Variants in COL4A3 observed in about 807,000 individuals in gnomAD.
COL4A3 encodes collagen alpha-3(IV) chain.
In COL4A3, 135 loss-of-function variants were observed where a neutral mutation model predicts 217.4. That is an observed-to-expected ratio of 0.62 (90% confidence interval 0.54 to 0.72). The LOEUF is 0.72. Among genes scored for constraint, COL4A3 ranks in the 30% least tolerant of loss-of-function variants. COL4A3 has a pLI of 0.00. For synonymous variants in COL4A3, 690 were observed against 736.3 expected (o/e 0.94, Z 1.02); for missense variants, 1,868 against 2,119.9 (o/e 0.88, Z 2.33).
In COL4A3 at chr2:227,266,441, C is replaced by T; in HGVS notation, c.1340C>T (p.Pro447Leu). The T allele has an allele frequency of 1.2e-6, 2 of 1,613,966 alleles. No individual in the cohort carries two copies. Among genetic ancestry groups the T allele is most frequent in the Non-Finnish European group, 8.5e-7 (1 of 1,179,916 alleles). ...PPGDIVFRKG[P>L]PGDHGLPGYL... ...GGTGACATCGTTTTTCGCAAGGGTC[C>T]ACCTGGAGATCACGGACTGCCAGGC... is the stretch of plus-strand genomic sequence containing the variant. Residue 447 changes from proline to leucine, a missense_variant, in exon 22 of 52, where the codon CCA (proline) becomes CTA (leucine). Physicochemically the swap from Pro to Leu is moderately conservative, Grantham distance 98. Around this residue, in one of 2 missense-constraint regions of COL4A3, gnomAD observed 1,503 missense variants for 1,786.1 expected, o/e 0.84. Coordinates refer to ENST00000396578, the MANE Select transcript of COL4A3 (RefSeq NM_000091.5).
rs79386347 is a variant in COL4A3, at chr2:227,295,227, G to A, written c.3518-42G>A. On this transcript the variant is annotated intron_variant, in intron 40 of 51. Transcript: ENST00000396578. ...TTTTCTCATAGACATATAATGTAAT[G>A]AAATTGACCAATTATTAACATGCCA... 2,778 of 1,601,532 alleles carry A rather than the reference G, an allele frequency of 1.7e-3. 34 individuals carry two copies. In the African/African-American group the frequency reaches 0.034, roughly 20 times the overall value.
rs996469594 is a variant in COL4A3, at chr2:227,251,269, G to C, written c.609+67G>C. ...TAGATTCATTATTTATTATTAAAAA[G>C]TTATTAAAAGAATTTTTCTGGTTGG... On this transcript the variant is annotated intron_variant, in intron 10 of 51. Transcript: ENST00000396578. 4.4e-6 allele frequency: 7 copies of C among 1,586,472 alleles called. No homozygotes were observed. The East Asian group carries it at 1.4e-4, about 31-fold the overall frequency.
chr2:227,245,180 C>T (rs2069255690), intron 5 of COL4A3, among the ~76,000 whole-genome samples, 185 bp downstream of exon 5: 1 of 151,802 alleles, frequency 6.6e-6, no homozygotes, highest in Non-Finnish European at 1.5e-5. Context: ...AATGTACTTC[C>T]TGAAATACAA....
chr2:227,220,136 ATGTGTGTGTGTGTG>A (rs35199710), intron 1 of COL4A3, among the ~76,000 whole-genome samples: 4 of 127,086 alleles, frequency 3.1e-5, no homozygotes, highest in Admixed American at 2.6e-4. Flanking sequence ...AGGCGGTTTT[ATGTGTGTGTGTGTG>A]TGTGTGTGTG....
Position 227,175,425 on chromosome 2 carries a change from C to T in COL4A3, c.87+10612C>T, listed in dbSNP as rs542979127. Among the ~76,000 whole-genome samples, 22 of 152,236 alleles carry T rather than the reference C, an allele frequency of 1.4e-4. No individual in the cohort carries two copies. In the East Asian group the frequency reaches 3.5e-3, roughly 24 times the overall value. ...GGCAAAAGTTGCAGTGAGCTGAGAT[C>T]ACGCCATTGCATTCTAGCCTAGGTG... On this transcript the variant is annotated intron_variant, in intron 1 of 51. Coordinates refer to ENST00000396578, the MANE Select transcript of COL4A3 (RefSeq NM_000091.5).
intron 1 of COL4A3, among the ~76,000 whole-genome samples, chr2:227,195,672 T>TGC (rs1478862450): frequency 8.0e-6 from 1 of 125,738 alleles, no homozygotes; most frequent in African/African-American, 3.3e-5. Flanking sequence ...TATATATGTG[T>TGC]GTGTGTGTGT....
chr2:227,255,271 G>A (rs2070081973), intron 15 of COL4A3, among the ~76,000 whole-genome samples: 1 of 152,124 alleles, frequency 6.6e-6, no homozygotes, highest in South Asian at 2.1e-4. Context: ...GGAGGGAAGA[G>A]CAGCCCCCAC....
chr2:227,311,020 G>A lies in COL4A3; in HGVS notation c.4928+72G>A. On this transcript the variant is annotated intron_variant, in intron 51 of 51. Coordinates refer to ENST00000396578, the MANE Select transcript of COL4A3 (RefSeq NM_000091.5). ...TATTCAAAGGTTGCCTGTGTTCTTGGGTCAACGAGTAGCCATGATTTTGTA... is the reference window on the plus strand; with the variant it reads ...TATTCAAAGGTTGCCTGTGTTCTTGAGTCAACGAGTAGCCATGATTTTGTA... The A allele has an allele frequency of 3.2e-6, 5 of 1,547,698 alleles. No individual in the cohort carries two copies. In the South Asian group the frequency reaches 5.6e-5, roughly 17 times the overall value.
rs540689943 is a variant in COL4A3 at position 227,248,563 on chromosome 2, A to G, written c.546+43A>G. The G allele has an allele frequency of 4.7e-6, 6 of 1,284,444 alleles. No homozygotes were observed. The South Asian group carries it at 4.8e-5, about 10-fold the overall frequency. The allele number at this position is 1,284,444 out of a possible 1,614,324, so 79.6% of individuals were successfully genotyped here. ...AGGTCCCTATTATTCTCAGTTTTTC[A>G]CTCTCTCTCTCTCTTTTCGCCTCTC... On this transcript the variant is annotated intron_variant, in intron 9 of 51. Coordinates refer to ENST00000396578, the MANE Select transcript of COL4A3 (RefSeq NM_000091.5).
intron 1 of COL4A3, among the ~76,000 whole-genome samples, chr2:227,197,803 TC>T (rs1446577075): frequency 6.6e-6 from 1 of 152,142 alleles, no homozygotes; most frequent in African/African-American, 2.4e-5. Context: ...TGGTGAGGGT[TC>T]CCCCACACCT....
At chr2:227,283,037 C>G (rs1275655552) in intron 32 of COL4A3, among the ~76,000 whole-genome samples, 1 of 152,196 alleles carries the variant, frequency 6.6e-6, no homozygotes, top group Non-Finnish European at 1.5e-5. Flanking sequence ...CTAATTCAAT[C>G]TCTTCATTTC....
Position 227,295,250 on chromosome 2 carries a change from C to A in COL4A3, c.3518-19C>A. ...ATGAAATTGACCAATTATTAACATGCCAAGATTATCTCTTTCAGGTTTATT... is the reference window on the plus strand; with the variant it reads ...ATGAAATTGACCAATTATTAACATGACAAGATTATCTCTTTCAGGTTTATT... On this transcript the variant is annotated intron_variant, in intron 40 of 51. Coordinates refer to ENST00000396578, the MANE Select transcript of COL4A3 (RefSeq NM_000091.5). The A allele has an allele frequency of 6.2e-7, 1 of 1,613,258 alleles. No homozygotes were observed. The highest frequency in any genetic ancestry group is 8.5e-7 in the Non-Finnish European group (1 of 1,179,208).
intron 1 of COL4A3, among the ~76,000 whole-genome samples, chr2:227,181,654 C>A (rs1212018593): frequency 2.0e-5 from 3 of 152,126 alleles, no homozygotes; most frequent in Non-Finnish European, 4.4e-5. Context: ...TATGGTATTA[C>A]GTATCCGGCT....
intron 1 of COL4A3, among the ~76,000 whole-genome samples, chr2:227,202,439 A>T (rs1426049175): frequency 6.6e-6 from 1 of 152,044 alleles, no homozygotes; most frequent in Non-Finnish European, 1.5e-5. Flanking sequence ...GTATGCGGGT[A>T]TTTTTTTAAA....
intron 18 of COL4A3, among the ~76,000 whole-genome samples, chr2:227,258,200 A>G (rs1363524176): frequency 6.6e-6 from 1 of 152,224 alleles, no homozygotes; most frequent in Non-Finnish European, 1.5e-5. Flanking sequence ...GTGTCCATTC[A>G]TCTCCTACCT....
At chr2:227,167,763 A>G (rs2065330810) in intron 1 of COL4A3, among the ~76,000 whole-genome samples, 7 of 152,182 alleles carry the variant, frequency 4.6e-5, no homozygotes, top group Admixed American at 4.6e-4. Context: ...AAGTATTAAT[A>G]TACTTTGACT....
intron 1 of COL4A3, among the ~76,000 whole-genome samples, chr2:227,186,450 C>T (rs556208544): frequency 1.8e-4 from 27 of 152,226 alleles, no homozygotes; most frequent in East Asian, 1.5e-3. Context: ...TCTGCTCTCC[C>T]GAGGCCAGGC....
intron 1 of COL4A3, among the ~76,000 whole-genome samples, chr2:227,172,156 A>T (rs1409581534): frequency 6.6e-6 from 1 of 152,136 alleles, no homozygotes; most frequent in African/African-American, 2.4e-5. Context: ...AACTCCTGAG[A>T]TCTTATCGGG....
chr2:227,202,693 C>T (rs1220865410), intron 1 of COL4A3, among the ~76,000 whole-genome samples: 6 of 145,938 alleles, frequency 4.1e-5, no homozygotes, highest in Non-Finnish European at 6.0e-5. Context: ...CGAGATAGCG[C>T]CACTGCAGTC....
Sources: allele counts gnomAD v4.1 joint callset (sites outside exome capture counted in the v4.1 genomes callset), GRCh38; gene constraint gnomAD v4.1.1; regional missense constraint gnomAD v4.1.1; transcripts MANE v1.5; gene names NCBI Gene and HGNC (gene_info 2026-07-23, HGNC 2026-07-21).